DNAJC1: variants seen among roughly 807,000 people sequenced by gnomAD.
The protein encoded by DNAJC1 is dnaJ homolog subfamily C member 1.
Under a neutral mutation model 76.6 loss-of-function variants are expected in DNAJC1, and 58 were observed. That is an observed-to-expected ratio of 0.76 (90% confidence interval 0.61 to 0.94). The LOEUF (loss-of-function observed/expected upper bound fraction) is 0.94, where lower values mean the gene tolerates loss of function less well. Ranked by LOEUF, DNAJC1 falls within the 40% of genes least tolerant of loss-of-function variation. DNAJC1 has a pLI of 0.00. For synonymous variants in DNAJC1, 258 were observed against 267.9 expected (o/e 0.96, Z 0.36); for missense variants, 689 against 677.3 (o/e 1.02, Z -0.19).
chr10:21,953,441 T>C (rs934453899), intron 1 of DNAJC1, among the ~76,000 whole-genome samples: 3 of 152,000 alleles, frequency 2.0e-5, no homozygotes, highest in Non-Finnish European at 4.4e-5. Context: ...TAAATAGCCA[T>C]TTTTTCAAAT....
intron 9 of DNAJC1, among the ~76,000 whole-genome samples, chr10:21,782,953 T>A (rs1207141115): frequency 6.6e-6 from 1 of 152,114 alleles, no homozygotes; most frequent in Non-Finnish European, 1.5e-5. Flanking sequence ...CACATTGAAT[T>A]GACAAAAACT....
At chr10:21,947,468 T>C (rs557188330) in intron 1 of DNAJC1, among the ~76,000 whole-genome samples, 8 of 152,356 alleles carry the variant, frequency 5.3e-5, no homozygotes, top group South Asian at 4.1e-4. Context: ...TGAAGAACTT[T>C]ATGATGATCC....
intron 8 of DNAJC1, among the ~76,000 whole-genome samples, chr10:21,870,294 A>T (rs1836082155): frequency 2.0e-5 from 3 of 152,132 alleles, no homozygotes; most frequent in Non-Finnish European, 4.4e-5. Flanking sequence ...CTAGAAAGAA[A>T]ACTTCTCAAC....
intron 8 of DNAJC1, among the ~76,000 whole-genome samples, chr10:21,837,002 A>G (rs1211984063): frequency 6.6e-6 from 1 of 151,862 alleles, no homozygotes; most frequent in African/African-American, 2.4e-5. Context: ...GCTCACTGCA[A>G]CCTCCCTGCC....
intron 9 of DNAJC1, among the ~76,000 whole-genome samples, chr10:21,768,476 A>G (rs7903144): frequency 0.033 from 5,020 of 152,280 alleles, 130 homozygotes; most frequent in Middle Eastern, 0.065. Flanking sequence ...ATGTGTGGAT[A>G]CCACTACCAT....
chr10:21,813,220 C>CTCTCTATA (rs1438462566), intron 8 of DNAJC1, among the ~76,000 whole-genome samples: 11 of 19,086 alleles, frequency 5.8e-4, no homozygotes, highest in South Asian at 2.5e-3. Flanking sequence ...CTCTCTCTCT[C>CTCTCTATA]TATATATATA....
chr10:21,794,045 C>T (rs1000927391), intron 9 of DNAJC1, among the ~76,000 whole-genome samples: 8 of 151,968 alleles, frequency 5.3e-5, no homozygotes, highest in Admixed American at 3.3e-4. Context: ...GAGGCTGAGG[C>T]GGGAGGATCG....
At chr10:21,802,241 G>A (rs1834821726) in intron 9 of DNAJC1, among the ~76,000 whole-genome samples, 2 of 152,160 alleles carry the variant, frequency 1.3e-5, no homozygotes, top group South Asian at 4.1e-4. Flanking sequence ...CAGCGGCAGT[G>A]AGGACGAAGG....
intron 8 of DNAJC1, among the ~76,000 whole-genome samples, chr10:21,869,912 A>C (rs982278472): frequency 6.6e-6 from 1 of 152,080 alleles, no homozygotes; most frequent in African/African-American, 2.4e-5. Context: ...CCATCAATCT[A>C]TAATTTTATT....
rs180675374 is a variant in DNAJC1, at chr10:21,908,479, C to T, written c.730-3867G>A. 5.0e-4 allele frequency among the ~76,000 whole-genome samples: 39 copies of T among 78,384 alleles called. No individual in the cohort carries two copies. In the East Asian group the frequency reaches 0.019, roughly 39 times the overall value. 51.4% of individuals were successfully genotyped at this position (78,384 alleles called of 152,430 possible). A position where few individuals can be genotyped will look rare whatever the true frequency, so the allele number is the denominator to read the frequency against. Reference sequence around the variant, plus strand: ...AATTGTTTTCAACCTTTTTTCCCTCCCATTTTTCATGGGGGGGGGGTGAAT... The same window carrying T: ...AATTGTTTTCAACCTTTTTTCCCTCTCATTTTTCATGGGGGGGGGGTGAAT... On this transcript the variant is annotated intron_variant, in intron 6 of 11. Transcript: ENST00000376980.
At chr10:21,983,224 G>A (rs1282723943) in intron 1 of DNAJC1, among the ~76,000 whole-genome samples, 1 of 152,074 alleles carries the variant, frequency 6.6e-6, no homozygotes, top group Admixed American at 6.5e-5. Flanking sequence ...TCCAAAAATA[G>A]ATAAACGGAT....
intron 6 of DNAJC1, among the ~76,000 whole-genome samples, chr10:21,914,953 T>C (rs1037251317): frequency 7.2e-5 from 11 of 152,234 alleles, no homozygotes; most frequent in Admixed American, 6.5e-4. Flanking sequence ...ATGTGAAGCA[T>C]ATATACCGTA....
chr10:21,765,064 T>A (rs918233987), intron 10 of DNAJC1, among the ~76,000 whole-genome samples: 2 of 152,206 alleles, frequency 1.3e-5, no homozygotes, highest in Non-Finnish European at 2.9e-5. Context: ...TTCAATGGTA[T>A]GATTTTGGAG....
intron 9 of DNAJC1, among the ~76,000 whole-genome samples, chr10:21,772,303 G>A (rs1329823021): frequency 1.1e-5 from 1 of 93,332 alleles, no homozygotes; most frequent in African/African-American, 4.3e-5. Flanking sequence ...TGAGAGCACT[G>A]GAATTTTTTA....
intron 8 of DNAJC1, among the ~76,000 whole-genome samples, chr10:21,825,859 C>T (rs963833570): frequency 6.6e-6 from 1 of 152,108 alleles, no homozygotes; most frequent in African/African-American, 2.4e-5. Context: ...CTTTGCTCAT[C>T]TTTGAACTGA....
intron 1 of DNAJC1, among the ~76,000 whole-genome samples, chr10:21,948,577 A>C (rs1471701405): frequency 1.3e-5 from 2 of 152,188 alleles, no homozygotes; most frequent in Non-Finnish European, 2.9e-5. Context: ...GAAAATATTA[A>C]GACATTTTGA....
At chr10:21,783,683 G>C (rs1209128441) in intron 9 of DNAJC1, among the ~76,000 whole-genome samples, 2 of 152,156 alleles carry the variant, frequency 1.3e-5, no homozygotes, top group Non-Finnish European at 2.9e-5. Flanking sequence ...AAAACAGCAT[G>C]GTACTGATAC....
chr10:21,853,115 C>T (rs760642559), intron 8 of DNAJC1, among the ~76,000 whole-genome samples: 3 of 152,206 alleles, frequency 2.0e-5, no homozygotes, highest in Non-Finnish European at 4.4e-5. Context: ...ATAAAATAAT[C>T]TAAACTTCTT....
At chr10:21,829,112 C>T (rs1835311929) in intron 8 of DNAJC1, among the ~76,000 whole-genome samples, 1 of 152,088 alleles carries the variant, frequency 6.6e-6, no homozygotes, top group African/African-American at 2.4e-5. Context: ...CTCACTGCAA[C>T]CTCTGCCTCC....
Sources: gnomAD v4.1 joint callset for allele counts (sites outside exome capture counted in the v4.1 genomes callset) on GRCh38, gnomAD v4.1.1 for gene constraint, MANE v1.5 for transcripts, NCBI Gene and HGNC (gene_info 2026-07-23, HGNC 2026-07-21) for gene names.